The following WNT7B variants were observed in gnomAD, a reference collection of about 807,000 sequenced individuals.
The protein encoded by WNT7B is protein Wnt-7b.
WNT7B carries 19 observed loss-of-function variants against 38.2 expected under a neutral mutation model. The ratio of observed to expected loss-of-function variants is 0.50; its 90% CI spans 0.35 to 0.73. The LOEUF (loss-of-function observed/expected upper bound fraction) is 0.73, where lower values mean the gene tolerates loss of function less well. Among genes scored for constraint, WNT7B ranks in the 30% least tolerant of loss-of-function variants. The probability of loss-of-function intolerance (pLI) is 0.01; values close to 1 mark genes in which losing one functional copy is unlikely to be tolerated. For missense variants in WNT7B, 423 were observed against 507.9 expected, an observed-to-expected ratio of 0.83 and a Z score of 1.61; for synonymous variants, 243 against 209.3, an observed-to-expected ratio of 1.16 and a Z score of -1.39.
chr22:45,926,097 T>C (rs1216556489), intron 3 of WNT7B: 4 of 985,292 alleles, frequency 4.1e-6, no homozygotes, highest in Non-Finnish European at 4.8e-6. Context: ...AAATAAAGCC[T>C]ACTGGGCCGC....
At chr22:45,950,758 A>C (rs1397546247) in intron 1 of WNT7B, among the ~76,000 whole-genome samples, 1 of 152,104 alleles carries the variant, frequency 6.6e-6, no homozygotes, top group Non-Finnish European at 1.5e-5. Flanking sequence ...CCCATCCCCC[A>C]CCACCCAACC....
intron 1 of WNT7B, among the ~76,000 whole-genome samples, chr22:45,970,057 A>G (rs576552133): frequency 1.3e-5 from 2 of 152,078 alleles, no homozygotes; most frequent in African/African-American, 4.8e-5. Context: ...CGCAGGCCCT[A>G]CTCCCATCTA....
chr22:45,929,600 C>A (rs528664444), intron 3 of WNT7B, among the ~76,000 whole-genome samples: 1 of 142,308 alleles, frequency 7.0e-6, no homozygotes, highest in Non-Finnish European at 1.5e-5. Context: ...ATTCATGCAT[C>A]CATCCACCTG....
intron 2 of WNT7B, 107 bp downstream of exon 2, chr22:45,949,813 C>T (rs1436244069): frequency 2.7e-6 from 3 of 1,130,524 alleles, no homozygotes; most frequent in Non-Finnish European, 3.7e-6. Flanking sequence ...ATTGGCCCCC[C>T]AGGAGATGTG....
chr22:45,926,375 G>A (rs1443606362), intron 3 of WNT7B: 7 of 985,270 alleles, frequency 7.1e-6, no homozygotes, highest in Admixed American at 6.1e-5. Context: ...CCTCCTCGAC[G>A]CTGGGGGCCT....
At position 45,966,005 on chromosome 22, in the gene WNT7B, C is replaced by T. The variant is rs758317464; in HGVS notation, c.71+10679G>A. ...TCTGGGCTCAGCTGCTTGACCTGGG[C>T]GAGTGACTCTGCACCCTGACCTCGT... is the stretch of plus-strand genomic sequence containing the variant. On this transcript the variant is annotated intron_variant, in intron 1 of 3. Coordinates refer to ENST00000339464, the MANE Select transcript of WNT7B (RefSeq NM_058238.3). The surrounding 1 kb of genome is among the most constrained non-coding windows in gnomAD (Gnocchi z 4.2). 7.9e-5 allele frequency among the ~76,000 whole-genome samples: 12 copies of T among 152,150 alleles called. No individual in the cohort carries two copies. Among genetic ancestry groups the T allele is most frequent in the Admixed American group, 3.9e-4 (6 of 15,280 alleles).
At position 45,957,661 on chromosome 22, in the gene WNT7B, T is replaced by A. The variant is rs557582292; in HGVS notation, c.72-7515A>T. 1.8e-4 allele frequency among the ~76,000 whole-genome samples: 21 copies of A among 113,920 alleles called. No homozygotes were observed. In the South Asian group the frequency reaches 5.7e-3, roughly 31 times the overall value. The allele number at this position is 113,920 out of a possible 152,430, so 74.7% of individuals were successfully genotyped here. The stretch of plus-strand genomic sequence containing the variant: ...TCATGCCACTGCACTCCAGCCTGCG[T>A]GAGGGAGCAAGACTCCGTCTCAAAA... On this transcript the variant is annotated intron_variant, in intron 1 of 3. Coordinates refer to ENST00000339464, the MANE Select transcript of WNT7B (RefSeq NM_058238.3).
At chr22:45,925,909 CTA>C (rs1334368687) in intron 3 of WNT7B, 125 of 985,246 alleles carry the variant, frequency 1.3e-4, no homozygotes, top group Non-Finnish European at 1.5e-4. Flanking sequence ...AAGCTGCCCT[CTA>C]GTGCTCCTGC....
At chr22:45,971,237 A>AGGAGGG (rs1932430997) in intron 1 of WNT7B, among the ~76,000 whole-genome samples, 1 of 110,788 alleles carries the variant, frequency 9.0e-6, no homozygotes, top group South Asian at 3.3e-4. Flanking sequence ...CCGCGTGTAA[A>AGGAGGG]GGAGGGGGAG....
intron 2 of WNT7B, among the ~76,000 whole-genome samples, chr22:45,949,467 G>A (rs1261615593): frequency 6.6e-6 from 1 of 152,104 alleles, no homozygotes; most frequent in Non-Finnish European, 1.5e-5. Flanking sequence ...CACTTCCTGT[G>A]CCCCAACTAC....
intron 3 of WNT7B, among the ~76,000 whole-genome samples, chr22:45,928,048 G>A (rs1324669153): frequency 1.3e-5 from 2 of 152,226 alleles, no homozygotes; most frequent in Non-Finnish European, 2.9e-5. Flanking sequence ...TGCCTAGAGG[G>A]AGTGCAGCCC....
rs116827968 is a variant in WNT7B, at chr22:45,930,325, G to A, written c.570+773C>T. Among the ~76,000 whole-genome samples the A allele has an allele frequency of 5.8e-3, 879 of 152,362 alleles. 6 individuals are homozygous for A. The highest frequency in any genetic ancestry group is 0.018 in the African/African-American group (747 of 41,582). ...TCTTCAGCTCCACTTTGCCTGGAAC[G>A]GCAAGTCTGTCCCACACCTGAGAAG... On this transcript the variant is annotated intron_variant, in intron 3 of 3. Transcript: ENST00000339464.
intron 1 of WNT7B, among the ~76,000 whole-genome samples, chr22:45,958,545 C>T (rs1932123752): frequency 2.0e-5 from 3 of 152,200 alleles, no homozygotes; most frequent in African/African-American, 7.2e-5. Context: ...AGAGTCCCCT[C>T]ATGGTTGCTA....
intron 2 of WNT7B, among the ~76,000 whole-genome samples, chr22:45,936,649 G>A (rs1367088953): frequency 2.0e-5 from 3 of 152,264 alleles, no homozygotes; most frequent in Admixed American, 2.0e-4. Flanking sequence ...CTCAGAGGGA[G>A]GAGACGCAGC....
chr22:45,926,118 G>A (rs1931075996), intron 3 of WNT7B: 1 of 985,464 alleles, frequency 1.0e-6, no homozygotes, highest in Non-Finnish European at 1.2e-6. Flanking sequence ...TGCTTGCAGA[G>A]CGAGGGGCCA....
In WNT7B at chr22:45,950,158, A is replaced by C; in HGVS notation, c.72-12T>G. 6.2e-7 allele frequency: 1 copy of C among 1,607,950 alleles called. No individual in the cohort carries two copies. Among genetic ancestry groups the C allele is most frequent in the Non-Finnish European group, 8.5e-7 (1 of 1,175,488 alleles). On this transcript the variant is annotated splice_polypyrimidine_tract_variant and intron_variant, in intron 1 of 3. Transcript: ENST00000339464. ...CGGATGACAGTGCTCTGTGGAGGGG[A>C]GGAGACAGAGGCCGTGAGACGGCGG...
intron 2 of WNT7B, among the ~76,000 whole-genome samples, chr22:45,933,690 C>T (rs1931437400): frequency 6.6e-6 from 1 of 152,140 alleles, no homozygotes; most frequent in Admixed American, 6.5e-5. Context: ...GGAAGGCTTC[C>T]TGGAGGAGGT....
rs990281000 is a variant in WNT7B at position 45,932,342 on chromosome 22, C to T, written c.299-973G>A. Among the ~76,000 whole-genome samples, 57 of 152,154 alleles carry T rather than the reference C, an allele frequency of 3.7e-4. 1 individual carries two copies. The highest frequency in any genetic ancestry group is 1.0e-4 in the Non-Finnish European group (7 of 68,020). ...GTGGTCTTTTTGGTGGCATTCCCTC[C>T]CACTTCATACCCAAATCCCAAGGAC... On this transcript the variant is annotated intron_variant, in intron 2 of 3. Coordinates refer to ENST00000339464, the MANE Select transcript of WNT7B (RefSeq NM_058238.3).
intron 2 of WNT7B, among the ~76,000 whole-genome samples, chr22:45,936,706 A>T (rs1931522629): frequency 6.6e-6 from 1 of 152,186 alleles, no homozygotes; most frequent in Non-Finnish European, 1.5e-5. Flanking sequence ...ATGTCCAGGG[A>T]AGGGGGTGTG....
Sources: allele counts gnomAD v4.1 joint callset (sites outside exome capture counted in the v4.1 genomes callset), GRCh38; gene constraint gnomAD v4.1.1; non-coding constraint Gnocchi (gnomAD v3.1); transcripts MANE v1.5; gene names NCBI Gene and HGNC (gene_info 2026-07-23, HGNC 2026-07-21).